CPB1: variants seen among roughly 807,000 people sequenced by gnomAD.
The protein encoded by CPB1 is carboxypeptidase B1.
In CPB1, 53 loss-of-function variants were observed where a neutral mutation model predicts 51.4. That is an observed-to-expected ratio of 1.03 (90% confidence interval 0.83 to 1.30). The LOEUF (loss-of-function observed/expected upper bound fraction) is 1.30. Among genes scored for constraint, CPB1 ranks in the 50% most tolerant of loss-of-function variants. CPB1 has a pLI of 0.00. For synonymous variants in CPB1, 189 were observed against 186.9 expected (o/e 1.01, Z -0.09); for missense variants, 494 against 516.2 (o/e 0.96, Z 0.42).
chr3:148,853,554 C>G (rs2108020925), intron 9 of CPB1, among the ~76,000 whole-genome samples: 1 of 152,258 alleles, frequency 6.6e-6, no homozygotes, highest in South Asian at 2.1e-4. Flanking sequence ...AAACAGATGA[C>G]AAAAGAGAAC....
At chr3:148,846,781 A>ATGTGTGTGTGTATG (rs1223556507) in intron 9 of CPB1, among the ~76,000 whole-genome samples, 2 of 58,346 alleles carry the variant, frequency 3.4e-5, no homozygotes, top group African/African-American at 1.2e-4. Flanking sequence ...ACACATATAT[A>ATGTGTGTGTGTATG]TGTGTGTGTG....
Position 148,845,511 on chromosome 3 carries a change from T to C in CPB1, c.866T>C (p.Phe289Ser). 6.2e-7 allele frequency: 1 copy of C among 1,613,944 alleles called. No individual in the cohort carries two copies. Among genetic ancestry groups the C allele is most frequent in the Non-Finnish European group, 8.5e-7 (1 of 1,179,876 alleles). ...AAGGAGACCAAGGCCCTGGCTGATT[T>C]CATCCGCAACAAACTCTCTTCCATC... ...SEKETKALADFIRNKLSSIKA... is the reference protein window; with the variant it reads ...SEKETKALADSIRNKLSSIKA... The change falls in exon 9 of 11, where the codon TTC becomes TCC. Residue 289 changes from phenylalanine (F) to serine (S), a missense_variant. Phe to Ser is a radical substitution (Grantham distance 155). Coordinates refer to ENST00000282957, the MANE Select transcript of CPB1 (RefSeq NM_001871.3).
intron 3 of CPB1, among the ~76,000 whole-genome samples, chr3:148,838,574 A>G (rs948964731): frequency 6.6e-6 from 1 of 151,684 alleles, no homozygotes; most frequent in Non-Finnish European, 1.5e-5. Context: ...CTTGAATATC[A>G]TTTTCCTGAA....
chr3:148,838,425 C>T (rs1409737925), intron 3 of CPB1: 2 of 148,806 alleles, frequency 1.3e-5, no homozygotes, highest in East Asian at 4.0e-4. Context: ...AAGATTTGTT[C>T]TTTCACATTA....
chr3:148,838,694 T>C (rs1712984011), intron 3 of CPB1, among the ~76,000 whole-genome samples: 1 of 152,208 alleles, frequency 6.6e-6, no homozygotes, highest in Non-Finnish European at 1.5e-5. Flanking sequence ...CTAAGGCTTA[T>C]AGATTGGAAT....
intron 3 of CPB1, among the ~76,000 whole-genome samples, chr3:148,837,885 T>C (rs1712952413): frequency 6.6e-6 from 1 of 152,088 alleles, no homozygotes; most frequent in African/African-American, 2.4e-5. Flanking sequence ...AAAGTAGTAA[T>C]AACTCTAACA....
chr3:148,837,649 A>G (rs1342294103), intron 3 of CPB1, among the ~76,000 whole-genome samples: 1 of 151,914 alleles, frequency 6.6e-6, no homozygotes, highest in East Asian at 1.9e-4. Context: ...CTAAAGTAGT[A>G]CTTTGTCCTA....
intron 6 of CPB1, among the ~76,000 whole-genome samples, chr3:148,842,588 C>T (rs980007026): frequency 6.6e-6 from 1 of 152,134 alleles, no homozygotes; most frequent in Non-Finnish European, 1.5e-5. Context: ...AGAATTACAA[C>T]TAATATATGT....
intron 9 of CPB1, among the ~76,000 whole-genome samples, chr3:148,846,736 AATATATATATATATATATAC>A (rs1559960080): frequency 9.3e-6 from 1 of 106,954 alleles, no homozygotes; most frequent in Non-Finnish European, 1.8e-5. Flanking sequence ...CATGGCCAAA[AATATATATATATATATATAC>A]ATATATATAT....
intron 3 of CPB1, among the ~76,000 whole-genome samples, chr3:148,839,439 T>TA (rs1713007870): frequency 6.6e-6 from 1 of 152,216 alleles, no homozygotes; most frequent in Non-Finnish European, 1.5e-5. Flanking sequence ...AGAAAACTAA[T>TA]ACACTCACAA....
intron 3 of CPB1, among the ~76,000 whole-genome samples, chr3:148,837,717 C>T (rs1009050218): frequency 6.6e-6 from 1 of 151,624 alleles, no homozygotes. Context: ...GTCAGTCCCC[C>T]GCCTTCAAGC....
chr3:148,853,934 T>C (rs1414200908), intron 9 of CPB1, among the ~76,000 whole-genome samples: 1 of 152,240 alleles, frequency 6.6e-6, no homozygotes, highest in African/African-American at 2.4e-5. Context: ...TAAATGTTAG[T>C]TCTGATTTTG....
chr3:148,844,719 A>G lies in CPB1; in HGVS notation c.730A>G (p.Ser244Gly), dbSNP rs1482903919. The G allele has an allele frequency of 6.2e-7, 1 of 1,614,048 alleles. No individual in the cohort carries two copies. The highest frequency in any genetic ancestry group is 8.5e-7 in the Non-Finnish European group (1 of 1,179,888). ...GACTCGCTCCACCCATACTGGATCT[A>G]GCTGCATTGGCACAGACCCCAACAG... is the stretch of plus-strand genomic sequence containing the variant. ...RKTRSTHTGS[S>G]CIGTDPNRNF... Residue 244 changes from serine (S) to glycine (G), a missense_variant, in exon 8 of 11, where the codon AGC (serine) becomes GGC (glycine). Ser to Gly is a moderately conservative substitution (Grantham distance 56). Coordinates refer to ENST00000282957, the MANE Select transcript of CPB1 (RefSeq NM_001871.3).
intron 2 of CPB1, among the ~76,000 whole-genome samples, chr3:148,828,339 G>A (rs1712634099): frequency 6.6e-6 from 1 of 152,110 alleles, no homozygotes; most frequent in Non-Finnish European, 1.5e-5. Flanking sequence ...CTGTCACGAA[G>A]GTCACAGAAC....
At chr3:148,846,795 G>GTATA (rs1713258638) in intron 9 of CPB1, among the ~76,000 whole-genome samples, 1 of 40,470 alleles carries the variant, frequency 2.5e-5, no homozygotes, top group East Asian at 5.7e-4. Flanking sequence ...GTGTGTGCGT[G>GTATA]TGTATATATA....
chr3:148,859,354 A>G (rs964680303), intron 10 of CPB1, among the ~76,000 whole-genome samples: 7 of 152,264 alleles, frequency 4.6e-5, no homozygotes, highest in Admixed American at 3.3e-4. Context: ...ACCAGGCCCT[A>G]TGCTAGATAA....
At chr3:148,835,851 G>C (rs1169245197) in intron 3 of CPB1, among the ~76,000 whole-genome samples, 1 of 152,178 alleles carries the variant, frequency 6.6e-6, no homozygotes, top group Non-Finnish European at 1.5e-5. Context: ...CAGTGAAGAT[G>C]TCAGAATTGT....
intron 9 of CPB1, among the ~76,000 whole-genome samples, chr3:148,852,246 T>C (rs373132604): frequency 5.5e-4 from 83 of 152,214 alleles, no homozygotes; most frequent in African/African-American, 1.9e-3. Flanking sequence ...TAACTAAATA[T>C]TTTATATGAC....
rs535624976 is a variant in CPB1, at chr3:148,859,034, TTAAGGG to T, written c.1067-780_1067-775del. 4.6e-3 allele frequency among the ~76,000 whole-genome samples: 706 copies of T among 152,356 alleles called. 11 individuals carry two copies. Among genetic ancestry groups the T allele is most frequent in the African/African-American group, 0.016 (679 of 41,582 alleles). ...GAATCATATGAGGCATACTGTTTTC[TTAAGGG>T]GTTTCTAGCAGAGATAGCCCACCTA... is the stretch of plus-strand genomic sequence containing the variant. On this transcript the variant is annotated intron_variant, in intron 10 of 10. Coordinates refer to ENST00000282957, the MANE Select transcript of CPB1 (RefSeq NM_001871.3).
Sources: allele counts gnomAD v4.1 joint callset (sites outside exome capture counted in the v4.1 genomes callset), GRCh38; gene constraint gnomAD v4.1.1; transcripts MANE v1.5; gene names NCBI Gene and HGNC (gene_info 2026-07-23, HGNC 2026-07-21).